The following PPARA variants were observed in gnomAD, a reference collection of about 807,000 sequenced individuals.
PPARA encodes the protein peroxisome proliferator activated receptor alpha.
Under a neutral mutation model 42.2 loss-of-function variants are expected in PPARA, and 22 were observed. That is an observed-to-expected ratio of 0.52 (90% CI 0.37 to 0.74). PPARA has a LOEUF of 0.74. Ranked by LOEUF, PPARA falls within the 30% of genes least tolerant of loss-of-function variation. PPARA has a pLI of 0.00. For synonymous variants in PPARA, 242 were observed against 239.3 expected, an observed-to-expected ratio of 1.01 and a Z score of -0.10; for missense variants, 465 against 608.2, an observed-to-expected ratio of 0.76 and a Z score of 2.48.
rs1935945105 is a variant in PPARA, at chr22:46,232,479, G to C, written c.1159+240G>C. Among the ~76,000 whole-genome samples the C allele has an allele frequency of 6.6e-6, 1 of 151,720 alleles. No individual in the cohort carries two copies. The highest frequency in any genetic ancestry group is 1.9e-4 in the East Asian group (1 of 5,194). ...AATACATATTTAATATTATGTAAAT[G>C]TATGACATTTTAATCATAATATTAG... On this transcript the variant is annotated intron_variant, in intron 8 of 8. Transcript: ENST00000407236. The surrounding 1 kb of genome is among the most constrained non-coding windows in gnomAD (Gnocchi z 5.3).
chr22:46,160,211 A>G lies in PPARA; in HGVS notation c.-127+8241A>G, dbSNP rs1363944436. 6.6e-6 allele frequency among the ~76,000 whole-genome samples: 1 copy of G among 152,236 alleles called. No homozygotes were observed. The highest frequency in any genetic ancestry group is 1.9e-4 in the East Asian group (1 of 5,198). Reference sequence around the variant, plus strand: ...AAGCTTTCAATTCAGAGCAGTAGCAATGCCTTCAAAGTCCCAGGCTTCACG... The same window carrying G: ...AAGCTTTCAATTCAGAGCAGTAGCAGTGCCTTCAAAGTCCCAGGCTTCACG... On this transcript the variant is annotated intron_variant, in intron 2 of 8. Coordinates refer to ENST00000407236, the MANE Select transcript of PPARA (RefSeq NM_005036.6). This position sits in a 1 kb window ranked among gnomAD's most constrained non-coding sequence, Gnocchi z 4.5.
rs1935514845 is a variant in PPARA at position 46,227,039 on chromosome 22, C to G, written c.712-4753C>G. Among the ~76,000 whole-genome samples, 1 of 151,944 alleles carries G rather than the reference C, an allele frequency of 6.6e-6. No individual in the cohort carries two copies. The highest frequency in any genetic ancestry group is 2.4e-5 in the African/African-American group (1 of 41,270). ...GGTGCCGTGTTATAACAGGACTGCT[C>G]CTTTCAACAGCTATGACCTTATACC... On this transcript the variant is annotated intron_variant, in intron 7 of 8. Coordinates refer to ENST00000407236, the MANE Select transcript of PPARA (RefSeq NM_005036.6). This position sits in a 1 kb window ranked among gnomAD's most constrained non-coding sequence, Gnocchi z 4.3.
intron 2 of PPARA, among the ~76,000 whole-genome samples, chr22:46,159,170 G>A (rs1044442296): frequency 5.5e-5 from 8 of 145,750 alleles, no homozygotes; most frequent in African/African-American, 2.2e-4. Context: ...GGGATTACAG[G>A]CATGAGCCAC....
Position 46,195,539 on chromosome 22 carries a change from C to T in PPARA, c.-42-2803C>T, listed in dbSNP as rs1004312999. Among the ~76,000 whole-genome samples, 10 of 152,142 alleles carry T rather than the reference C, an allele frequency of 6.6e-5. No homozygotes were observed. The highest frequency in any genetic ancestry group is 2.2e-4 in the African/African-American group (9 of 41,436). On this transcript the variant is annotated intron_variant, in intron 3 of 8. Transcript: ENST00000407236. This position sits in a 1 kb window ranked among gnomAD's most constrained non-coding sequence, Gnocchi z 4.6. ...GATGATTTATTGCCAGAATTCCAAACATAATATGTGAATTTCACAAAAATG... is the reference window on the plus strand; with the variant it reads ...GATGATTTATTGCCAGAATTCCAAATATAATATGTGAATTTCACAAAAATG...
At chr22:46,229,305 G>A (rs1036617747) in intron 7 of PPARA, among the ~76,000 whole-genome samples, 1 of 152,052 alleles carries the variant, frequency 6.6e-6, no homozygotes, top group Non-Finnish European at 1.5e-5. Context: ...ATCCTGGCCT[G>A]CACTTTGGAA....
chr22:46,153,126 A>C (rs981616539), intron 2 of PPARA, among the ~76,000 whole-genome samples: 1 of 150,010 alleles, frequency 6.7e-6, no homozygotes, highest in South Asian at 2.1e-4. Context: ...ACTAATTGAC[A>C]TTAGAAAAAA....
chr22:46,174,143 A>T (rs1331378013), intron 2 of PPARA, among the ~76,000 whole-genome samples: 1 of 150,442 alleles, frequency 6.6e-6, no homozygotes, highest in Non-Finnish European at 1.5e-5. Flanking sequence ...GCACCACTGC[A>T]CTGCAGCCTG....
rs989032027 is a variant in PPARA, at chr22:46,161,193, C to G, written c.-127+9223C>G. On this transcript the variant is annotated intron_variant, in intron 2 of 8. Transcript: ENST00000407236. The surrounding 1 kb of genome is among the most constrained non-coding windows in gnomAD (Gnocchi z 4.8). Reference sequence around the variant, plus strand: ...AAAACCTAGGAAGTGGATGGAGACTCTTTTTGGAATGAATGAATTCAAATG... The same window carrying G: ...AAAACCTAGGAAGTGGATGGAGACTGTTTTTGGAATGAATGAATTCAAATG... Among the ~76,000 whole-genome samples the G allele has an allele frequency of 6.6e-6, 1 of 152,172 alleles. No homozygotes were observed. The highest frequency in any genetic ancestry group is 1.9e-4 in the East Asian group (1 of 5,206).
rs1423914445 is a variant in PPARA at position 46,204,267 on chromosome 22, T to G, written c.208+5676T>G. On this transcript the variant is annotated intron_variant, in intron 4 of 8. Transcript: ENST00000407236. The surrounding 1 kb of genome is among the most constrained non-coding windows in gnomAD (Gnocchi z 5.2). ...CCTGTTGATGAGCATTTAGGTTGTT[T>G]CTAGCTTATGGCTATTACAAATAAA... Among the ~76,000 whole-genome samples the G allele has an allele frequency of 6.6e-6, 1 of 152,256 alleles. No individual in the cohort carries two copies. Among genetic ancestry groups the G allele is most frequent in the Non-Finnish European group, 1.5e-5 (1 of 68,044 alleles).
At chr22:46,153,634 G>A (rs112450997) in intron 2 of PPARA, among the ~76,000 whole-genome samples, 7 of 152,144 alleles carry the variant, frequency 4.6e-5, no homozygotes, top group African/African-American at 1.7e-4. Context: ...GCTGAGGTGG[G>A]CAGATGACAA....
At position 46,229,791 on chromosome 22, in the gene PPARA, T is replaced by A. The variant is rs900958279; in HGVS notation, c.712-2001T>A. On this transcript the variant is annotated intron_variant, in intron 7 of 8. Transcript: ENST00000407236. ...TGTTTTCACTCATTTGTGAGTAATT[T>A]TTTAAATATCCCCTTTCCTCAGATG... Among the ~76,000 whole-genome samples the A allele has an allele frequency of 2.0e-5, 3 of 152,216 alleles. No individual in the cohort carries two copies. In the South Asian group the frequency reaches 6.2e-4, roughly 32 times the overall value.
chr22:46,232,209 CT>C lies in PPARA; in HGVS notation c.1134del (p.Phe378LeufsTer15). On this transcript the variant is annotated frameshift_variant, in exon 8 of 9. Coordinates refer to ENST00000407236, the MANE Select transcript of PPARA (RefSeq NM_005036.6). LOFTEE classifies it high-confidence loss of function. The surrounding 1 kb of genome is among the most constrained non-coding windows in gnomAD (Gnocchi z 5.3). ...GGAACTGGATGACAGTGATATCTCC[CT>C]TTTTGTGGCTGCTATCATTTGCTGT... The part of the protein sequence containing the change: ...ALELDDSDIS[L>X]FVAAIICCGD... 6.2e-7 allele frequency: 1 copy of C among 1,614,118 alleles called. No homozygotes were observed. The highest frequency in any genetic ancestry group is 8.5e-7 in the Non-Finnish European group (1 of 1,180,022).
In PPARA at chr22:46,236,317, C is replaced by T. The variant is rs896923629; in HGVS notation, c.*937C>T. 2.6e-5 allele frequency: 4 copies of T among 152,574 alleles called. No homozygotes were observed. The highest frequency in any genetic ancestry group is 9.7e-5 in the African/African-American group (4 of 41,440). The allele number at this position is 152,574 out of a possible 1,614,324, so 9.5% of individuals were successfully genotyped here. ...TGCAGCTGTTGTTTTGTTTTTGGCT[C>T]ACTGTTTTCGTGGTTGTAACTAATA... On this transcript the variant is annotated 3_prime_UTR_variant, in exon 9 of 9. Coordinates refer to ENST00000407236, the MANE Select transcript of PPARA (RefSeq NM_005036.6). The surrounding 1 kb of genome is among the most constrained non-coding windows in gnomAD (Gnocchi z 5.2).
rs138022248 is a variant in PPARA at position 46,165,635 on chromosome 22, T to C, written c.-126-11118T>C. Among the ~76,000 whole-genome samples, 6 of 152,160 alleles carry C rather than the reference T, an allele frequency of 3.9e-5. No homozygotes were observed. The highest frequency in any genetic ancestry group is 1.4e-4 in the African/African-American group (6 of 41,516). ...ACCCAAAAAAGCTCCATCCCAGGAG[T>C]ACAGGTGACCTGGAAACGGATCAGC... is the stretch of plus-strand genomic sequence containing the variant. On this transcript the variant is annotated intron_variant, in intron 2 of 8. Transcript: ENST00000407236. The surrounding 1 kb of genome is among the most constrained non-coding windows in gnomAD (Gnocchi z 5.5).
intron 4 of PPARA, among the ~76,000 whole-genome samples, chr22:46,205,364 C>A (rs1157749725): frequency 6.7e-6 from 1 of 149,594 alleles, no homozygotes; most frequent in Non-Finnish European, 1.5e-5. Context: ...CTACAGGTAC[C>A]TGCCACCATG....
In PPARA at chr22:46,216,040, T is replaced by C. The variant is rs1188699819; in HGVS notation, c.369+707T>C. ...CTTTAGAGAGTCTAGGACAAATGGT[T>C]CCTCTGTGCTTTGTAAATACTTAGA... is the stretch of plus-strand genomic sequence containing the variant. On this transcript the variant is annotated intron_variant, in intron 5 of 8. Coordinates refer to ENST00000407236, the MANE Select transcript of PPARA (RefSeq NM_005036.6). The surrounding 1 kb of genome is among the most constrained non-coding windows in gnomAD (Gnocchi z 4.5). Among the ~76,000 whole-genome samples the C allele has an allele frequency of 6.6e-6, 1 of 152,140 alleles. No individual in the cohort carries two copies. The highest frequency in any genetic ancestry group is 2.4e-5 in the African/African-American group (1 of 41,410).
rs9615759 is a variant in PPARA at position 46,235,211 on chromosome 22, A to T, written c.1238A>T (p.Gln413Leu). ...GTACATGTGCTCAGACTCCACCTGC[A>T]GAGCAACCACCCGGACGATATCTTT... ...GIVHVLRLHLQSNHPDDIFLF... is the reference protein window; with the variant it reads ...GIVHVLRLHLLSNHPDDIFLF... The change falls in exon 9 of 9, where the codon CAG (glutamine) becomes CTG (leucine). Residue 413 changes from glutamine to leucine, a missense_variant. This residue lies in a region of PPARA where 313 missense variants were observed against 469.1 expected (regional missense o/e 0.67). Coordinates refer to ENST00000407236, the MANE Select transcript of PPARA (RefSeq NM_005036.6). The surrounding 1 kb of genome is among the most constrained non-coding windows in gnomAD (Gnocchi z 7.0). 416 of 1,614,064 alleles carry T rather than the reference A, an allele frequency of 2.6e-4. No individual in the cohort carries two copies. Among genetic ancestry groups the T allele is most frequent in the Non-Finnish European group, 3.4e-4 (398 of 1,180,026 alleles).
rs1935300097 is a variant in PPARA, at chr22:46,225,006, G to A, written c.711+4992G>A. On this transcript the variant is annotated intron_variant, in intron 7 of 8. Coordinates refer to ENST00000407236, the MANE Select transcript of PPARA (RefSeq NM_005036.6). This position sits in a 1 kb window ranked among gnomAD's most constrained non-coding sequence, Gnocchi z 4.1. ...CCTGAAACCGGTGGGGGAGTTGTGGGAGGCCTAGAATCAGCCAGGAGGCTT... is the reference window on the plus strand; with the variant it reads ...CCTGAAACCGGTGGGGGAGTTGTGGAAGGCCTAGAATCAGCCAGGAGGCTT... Among the ~76,000 whole-genome samples, 4 of 151,948 alleles carry A rather than the reference G, an allele frequency of 2.6e-5. No homozygotes were observed. The highest frequency in any genetic ancestry group is 2.6e-4 in the Admixed American group (4 of 15,264).
chr22:46,214,832 G>A (rs147694623), intron 4 of PPARA, among the ~76,000 whole-genome samples: 3 of 149,762 alleles, frequency 2.0e-5, no homozygotes, highest in African/African-American at 7.4e-5. Flanking sequence ...GGAGATGTGC[G>A]GGGCGGGATG....
Sources: gnomAD v4.1 joint callset for allele counts (sites outside exome capture counted in the v4.1 genomes callset) on GRCh38, gnomAD v4.1.1 for gene constraint, gnomAD v4.1.1 regional missense constraint, Gnocchi (gnomAD v3.1) non-coding constraint, MANE v1.5 for transcripts, NCBI Gene and HGNC (gene_info 2026-07-23, HGNC 2026-07-21) for gene names.